Variants in CNTN4 observed in about 807,000 individuals in gnomAD.
The protein encoded by CNTN4 is contactin 4, also known as contactin-4.
Under a neutral mutation model 122.5 loss-of-function variants are expected in CNTN4, and 77 were observed. That is an observed-to-expected ratio of 0.63 (90% CI 0.52 to 0.76). The LOEUF (loss-of-function observed/expected upper bound fraction) is 0.76. Among genes scored for constraint, CNTN4 ranks in the 30% least tolerant of loss-of-function variants. CNTN4 has a pLI of 0.00. For synonymous variants in CNTN4, 512 were observed against 447.0 expected (o/e 1.15, Z -1.83); for missense variants, 1,256 against 1,259.1 (o/e 1.00, Z 0.04).
chr3:2,364,560 A>G (rs2045296510), intron 3 of CNTN4, among the ~76,000 whole-genome samples: 1 of 151,928 alleles, frequency 6.6e-6, no homozygotes, highest in South Asian at 2.1e-4. Flanking sequence ...TTGACAATAG[A>G]GCCATTCTAG....
intron 24 of CNTN4, among the ~76,000 whole-genome samples, chr3:3,054,577 G>A (rs1701606459): frequency 6.6e-6 from 1 of 152,156 alleles, no homozygotes; most frequent in Non-Finnish European, 1.5e-5. Flanking sequence ...ATGTTTGTAA[G>A]TATCTTAAGA....
At chr3:2,618,787 A>G (rs945768657) in intron 4 of CNTN4, among the ~76,000 whole-genome samples, 1 of 152,148 alleles carries the variant, frequency 6.6e-6, no homozygotes, top group Non-Finnish European at 1.5e-5. Flanking sequence ...CAGTGTTCCA[A>G]TCTAATAAAA....
intron 4 of CNTN4, among the ~76,000 whole-genome samples, chr3:2,632,577 T>C (rs1319546529): frequency 1.3e-5 from 2 of 152,166 alleles, no homozygotes; most frequent in African/African-American, 2.4e-5. Context: ...AGTATTGACA[T>C]TGAGAGAACC....
chr3:2,231,939 T>C (rs1022240298), intron 2 of CNTN4, among the ~76,000 whole-genome samples: 6 of 152,292 alleles, frequency 3.9e-5, no homozygotes, highest in Non-Finnish European at 8.8e-5. Flanking sequence ...GAAATTAACA[T>C]ATAGGATTAT....
chr3:2,675,625 A>G (rs2084801040), intron 4 of CNTN4, among the ~76,000 whole-genome samples: 1 of 152,202 alleles, frequency 6.6e-6, no homozygotes, highest in Non-Finnish European at 1.5e-5. Context: ...TCTTAGAAAA[A>G]GGTCTGGCAC....
intron 3 of CNTN4, among the ~76,000 whole-genome samples, chr3:2,349,801 C>G (rs925657386): frequency 6.6e-6 from 1 of 152,024 alleles, no homozygotes; most frequent in Non-Finnish European, 1.5e-5. Flanking sequence ...TACTAATGGA[C>G]CTATATAACA....
At chr3:2,777,987 G>C (rs1458767671) in intron 6 of CNTN4, among the ~76,000 whole-genome samples, 2 of 151,950 alleles carry the variant, frequency 1.3e-5, no homozygotes, top group East Asian at 1.9e-4. Context: ...GGCCGAGGTG[G>C]GCGGATCATG....
chr3:2,467,532 C>G (rs114177361), intron 3 of CNTN4, among the ~76,000 whole-genome samples: 2 of 152,062 alleles, frequency 1.3e-5, no homozygotes, highest in Non-Finnish European at 2.9e-5. Flanking sequence ...GTTTGTATGA[C>G]AATTGGGAAT....
intron 13 of CNTN4, among the ~76,000 whole-genome samples, chr3:2,970,162 G>A (rs1018836701): frequency 9.9e-5 from 15 of 152,112 alleles, no homozygotes; most frequent in African/African-American, 3.4e-4. Context: ...CAGCATAATC[G>A]TAGCTCATTT....
chr3:2,619,025 G>T (rs914220445), intron 4 of CNTN4, among the ~76,000 whole-genome samples: 1 of 152,106 alleles, frequency 6.6e-6, no homozygotes, highest in African/African-American at 2.4e-5. Flanking sequence ...CCTCTCTGTT[G>T]TGCCTTCATA....
At chr3:2,963,412 C>G (rs749099011) in intron 13 of CNTN4, among the ~76,000 whole-genome samples, 3 of 152,142 alleles carry the variant, frequency 2.0e-5, no homozygotes, top group African/African-American at 7.2e-5. Context: ...GAAAGAAAAT[C>G]TAAATTTCTT....
chr3:2,391,564 C>T (rs1348995963), intron 3 of CNTN4, among the ~76,000 whole-genome samples: 2 of 152,084 alleles, frequency 1.3e-5, no homozygotes, highest in African/African-American at 4.8e-5. Flanking sequence ...ATCCCCCACA[C>T]AATATGAGTG....
At chr3:2,211,018 C>T (rs2038592364) in intron 2 of CNTN4, among the ~76,000 whole-genome samples, 1 of 152,100 alleles carries the variant, frequency 6.6e-6, no homozygotes, top group Non-Finnish European at 1.5e-5. Flanking sequence ...CAAGAAATAC[C>T]TGAAACTGGG....
intron 2 of CNTN4, among the ~76,000 whole-genome samples, chr3:2,204,358 A>G (rs575560180): frequency 6.6e-6 from 1 of 152,324 alleles, no homozygotes; most frequent in Admixed American, 6.5e-5. Context: ...ATTTAATAAA[A>G]TTATATGTAA....
At chr3:2,663,424 C>T (rs756201320) in intron 4 of CNTN4, among the ~76,000 whole-genome samples, 16 of 152,076 alleles carry the variant, frequency 1.1e-4, no homozygotes, top group Non-Finnish European at 2.2e-4. Context: ...CTGGGCATGT[C>T]TGGCTAGTTA....
intron 3 of CNTN4, among the ~76,000 whole-genome samples, chr3:2,450,584 T>C (rs73804564): frequency 0.033 from 4,963 of 152,122 alleles, 236 homozygotes; most frequent in African/African-American, 0.11. Flanking sequence ...GTGTAAAGGT[T>C]TTATCAGTGT....
intron 2 of CNTN4, among the ~76,000 whole-genome samples, chr3:2,221,997 C>G (rs972197906): frequency 6.6e-6 from 1 of 152,108 alleles, no homozygotes; most frequent in Non-Finnish European, 1.5e-5. Flanking sequence ...TTAACAATTC[C>G]TCAAAATGCT....
At chr3:2,613,389 G>A (rs2081580341) in intron 4 of CNTN4, among the ~76,000 whole-genome samples, 1 of 152,036 alleles carries the variant, frequency 6.6e-6, no homozygotes, top group African/African-American at 2.4e-5. Flanking sequence ...TTGTGGATGG[G>A]CCCATCTTCT....
At chr3:2,838,209 G>A (rs928903541) in intron 7 of CNTN4, among the ~76,000 whole-genome samples, 2 of 152,140 alleles carry the variant, frequency 1.3e-5, no homozygotes, top group East Asian at 1.9e-4. Flanking sequence ...ATAAGCTTTC[G>A]TGCGGCTATA....
Sources: gnomAD v4.1 joint callset for allele counts (sites outside exome capture counted in the v4.1 genomes callset) on GRCh38, gnomAD v4.1.1 for gene constraint, MANE v1.5 for transcripts, NCBI Gene and HGNC (gene_info 2026-07-23, HGNC 2026-07-21) for gene names.